The following PTPRK variants were observed in gnomAD, a reference collection of about 807,000 sequenced individuals.
The protein encoded by PTPRK is receptor-type tyrosine-protein phosphatase kappa.
Under a neutral mutation model 178.0 loss-of-function variants are expected in PTPRK, and 75 were observed. The observed-to-expected ratio is 0.42, with a 90% CI of 0.35 to 0.51. The LOEUF (loss-of-function observed/expected upper bound fraction) is 0.51, where lower values mean the gene tolerates loss of function less well. Among genes scored for constraint, PTPRK ranks in the 20% least tolerant of loss-of-function variants. PTPRK has a pLI of 0.02. For missense variants in PTPRK, 1,441 were observed against 1,797.8 expected (o/e 0.80, Z 3.59); for synonymous variants, 637 against 620.6 (o/e 1.03, Z -0.39).
intron 1 of PTPRK, among the ~76,000 whole-genome samples, chr6:128,492,639 T>G (rs936534213): frequency 6.6e-6 from 1 of 152,210 alleles, no homozygotes; most frequent in Non-Finnish European, 1.5e-5. Flanking sequence ...CCGCAGCACC[T>G]GGCATGAGGA....
At chr6:128,017,132 G>C (rs896463271) in intron 13 of PTPRK, among the ~76,000 whole-genome samples, 6 of 151,900 alleles carry the variant, frequency 3.9e-5, no homozygotes, top group Admixed American at 1.3e-4. Context: ...TGCCAAATCT[G>C]CTACTAAGTC....
chr6:128,135,607 T>A (rs1026995898), intron 7 of PTPRK, among the ~76,000 whole-genome samples: 12 of 152,178 alleles, frequency 7.9e-5, no homozygotes, highest in Admixed American at 4.6e-4. Flanking sequence ...TGCATTCTCA[T>A]GCACTTTGCT....
At chr6:128,463,593 A>C (rs2128413503) in intron 1 of PTPRK, among the ~76,000 whole-genome samples, 1 of 152,210 alleles carries the variant, frequency 6.6e-6, no homozygotes, top group East Asian at 1.9e-4. Context: ...ATATAAAACA[A>C]GTTTATACTT....
At chr6:128,004,169 C>A (rs1033560931) in intron 15 of PTPRK, among the ~76,000 whole-genome samples, 5 of 151,758 alleles carry the variant, frequency 3.3e-5, no homozygotes, top group African/African-American at 1.2e-4. Flanking sequence ...GTGAGCATAT[C>A]TCTGCGATCT....
chr6:128,325,141 C>G (rs1829370983), intron 2 of PTPRK, among the ~76,000 whole-genome samples: 1 of 152,084 alleles, frequency 6.6e-6, no homozygotes, highest in Non-Finnish European at 1.5e-5. Context: ...TACAAATATT[C>G]CTTACAGTCT....
intron 8 of PTPRK, among the ~76,000 whole-genome samples, chr6:128,086,689 A>T (rs930990287): frequency 1.4e-4 from 21 of 152,170 alleles, no homozygotes; most frequent in African/African-American, 3.9e-4. Flanking sequence ...CTGCTCAGGA[A>T]CATTAAGACA....
At chr6:128,352,574 T>A (rs1360034676) in intron 2 of PTPRK, among the ~76,000 whole-genome samples, 1 of 152,138 alleles carries the variant, frequency 6.6e-6, no homozygotes, top group Admixed American at 6.5e-5. Flanking sequence ...CATACTGAAC[T>A]TTTTTTATTT....
At chr6:128,516,197 AG>A (rs1266620177) in intron 1 of PTPRK, among the ~76,000 whole-genome samples, 13 of 152,198 alleles carry the variant, frequency 8.5e-5, no homozygotes, top group African/African-American at 2.9e-4. Context: ...GGAGTGTGGG[AG>A]GGGGCAGAGT....
At chr6:128,480,240 C>T (rs576196584) in intron 1 of PTPRK, among the ~76,000 whole-genome samples, 20 of 152,236 alleles carry the variant, frequency 1.3e-4, no homozygotes, top group African/African-American at 4.1e-4. Context: ...TCCCCTTTCG[C>T]GCTTGTTCTT....
intron 6 of PTPRK, among the ~76,000 whole-genome samples, chr6:128,216,688 C>T (rs1203713387): frequency 6.6e-6 from 1 of 151,922 alleles, no homozygotes; most frequent in Admixed American, 6.6e-5. Flanking sequence ...GAAAACCAGG[C>T]TTTGATAAAA....
At chr6:128,225,725 T>C (rs1811183223) in intron 5 of PTPRK, among the ~76,000 whole-genome samples, 2 of 152,114 alleles carry the variant, frequency 1.3e-5, no homozygotes, top group African/African-American at 4.8e-5. Flanking sequence ...GTTTCTTATT[T>C]ATGGCCATAG....
chr6:128,069,729 A>T (rs1270209934), intron 11 of PTPRK, among the ~76,000 whole-genome samples: 1 of 152,162 alleles, frequency 6.6e-6, no homozygotes, highest in Non-Finnish European at 1.5e-5. Flanking sequence ...CTCTAGAAAA[A>T]AAAACACAAA....
At chr6:128,326,762 A>G (rs1157370693) in intron 2 of PTPRK, among the ~76,000 whole-genome samples, 1 of 152,134 alleles carries the variant, frequency 6.6e-6, no homozygotes, top group African/African-American at 2.4e-5. Flanking sequence ...ATTGTCTTCT[A>G]GGTTTTCAAA....
At chr6:128,178,647 T>C (rs1801450867) in intron 7 of PTPRK, among the ~76,000 whole-genome samples, 1 of 146,514 alleles carries the variant, frequency 6.8e-6, no homozygotes, top group African/African-American at 2.6e-5. Context: ...AAAGATGCTG[T>C]AGAGAAGACA....
intron 1 of PTPRK, among the ~76,000 whole-genome samples, chr6:128,460,253 C>T: frequency 6.6e-6 from 1 of 152,032 alleles, no homozygotes; most frequent in Non-Finnish European, 1.5e-5. Context: ...ATCAAGAATG[C>T]CCTTTTCCAG....
chr6:128,252,549 C>T (rs1331997117), intron 3 of PTPRK, among the ~76,000 whole-genome samples: 1 of 152,078 alleles, frequency 6.6e-6, no homozygotes, highest in Non-Finnish European at 1.5e-5. Flanking sequence ...AAAATAAACC[C>T]ACAAAAAGTT....
At position 128,147,288 on chromosome 6, in the gene PTPRK, T is replaced by C. The variant is rs143825360; in HGVS notation, c.1162+37144A>G. On this transcript the variant is annotated intron_variant, in intron 7 of 29. Coordinates refer to ENST00000368226, the MANE Select transcript of PTPRK (RefSeq NM_002844.4). ...AATAATCTGCTTAAAGCTAAATAGC[T>C]ACAATAACATTTTACAGAGTTTTTT... Among the ~76,000 whole-genome samples the C allele has an allele frequency of 8.9e-4, 135 of 152,274 alleles. 2 individuals are homozygous for C. In the East Asian group the frequency reaches 0.014, roughly 16 times the overall value.
chr6:128,351,273 G>GA (rs1178161048), intron 2 of PTPRK, among the ~76,000 whole-genome samples: 24 of 152,140 alleles, frequency 1.6e-4, no homozygotes, highest in African/African-American at 5.8e-4. Context: ...CACATCAACA[G>GA]TATTCTTATT....
chr6:128,109,450 A>G (rs1463795616), intron 7 of PTPRK, among the ~76,000 whole-genome samples: 1 of 152,204 alleles, frequency 6.6e-6, no homozygotes, highest in Non-Finnish European at 1.5e-5. Flanking sequence ...AACAATTTAA[A>G]AAGGTATCAA....
Sources: gnomAD v4.1 joint callset for allele counts (sites outside exome capture counted in the v4.1 genomes callset) on GRCh38, gnomAD v4.1.1 for gene constraint, MANE v1.5 for transcripts, NCBI Gene and HGNC (gene_info 2026-07-23, HGNC 2026-07-21) for gene names.